Variants in BAG2 observed in about 807,000 individuals in gnomAD.
BAG2 encodes the protein BAG family molecular chaperone regulator 2.
In BAG2, 8 loss-of-function variants were observed where a neutral mutation model predicts 16.4. That is an observed-to-expected ratio of 0.49 (90% confidence interval 0.29 to 0.88). BAG2 has a LOEUF of 0.88. Among genes scored for constraint, BAG2 ranks in the 40% least tolerant of loss-of-function variants. BAG2 has a pLI of 0.09. For missense variants in BAG2, 218 were observed against 248.9 expected, an observed-to-expected ratio of 0.88 and a Z score of 0.84; for synonymous variants, 82 against 89.2, an observed-to-expected ratio of 0.92 and a Z score of 0.46.
chr6:57,178,361 T>C (rs1470212883), intron 1 of BAG2, among the ~76,000 whole-genome samples: 1 of 152,196 alleles, frequency 6.6e-6, no homozygotes, highest in East Asian at 1.9e-4. Context: ...TTAAACTAAG[T>C]AGAGATCTAG....
At chr6:57,176,403 T>C (rs920226114) in intron 1 of BAG2, among the ~76,000 whole-genome samples, 3 of 152,186 alleles carry the variant, frequency 2.0e-5, no homozygotes, top group African/African-American at 7.2e-5. Context: ...ATAGATGAGC[T>C]TCCTCTAAGA....
chr6:57,186,683 A>G lies in BAG2; in HGVS notation c.*2493A>G, dbSNP rs1764621585. The stretch of plus-strand genomic sequence containing the variant: ...GAGTATAATTTATTTTCAAATGATG[A>G]TGAATCTCCTGAGTCACATTTTTAC... On this transcript the variant is annotated 3_prime_UTR_variant, in exon 3 of 3. Transcript: ENST00000370693. The G allele has an allele frequency of 6.6e-6, 1 of 152,174 alleles. No homozygotes were observed. The highest frequency in any genetic ancestry group is 1.5e-5 in the Non-Finnish European group (1 of 68,030). The allele number at this position is 152,174 out of a possible 1,614,324, so 9.4% of individuals were successfully genotyped here.
chr6:57,185,330 T>C lies in BAG2; in HGVS notation c.*1140T>C, dbSNP rs1469523326. ...GTGTGAAGCAACTAGAGAACACTTA[T>C]TTGTTCAAAGTAACTAGTCCTATTG... is the stretch of plus-strand genomic sequence containing the variant. On this transcript the variant is annotated 3_prime_UTR_variant, in exon 3 of 3. Transcript: ENST00000370693. 1 of 152,226 alleles carries C rather than the reference T, an allele frequency of 6.6e-6. No homozygotes were observed. The highest frequency in any genetic ancestry group is 1.5e-5 in the Non-Finnish European group (1 of 68,030). 9.4% of individuals were successfully genotyped at this position (152,226 alleles called of 1,614,324 possible). A position where few individuals can be genotyped will look rare whatever the true frequency, so the allele number is the denominator to read the frequency against.
intron 1 of BAG2, chr6:57,173,258 G>A: frequency 1.0e-6 from 1 of 985,996 alleles, no homozygotes; most frequent in Non-Finnish European, 1.2e-6. Context: ...GTTTACAGTG[G>A]CCCTCCACGT....
chr6:57,174,201 A>G (rs1377425522), intron 1 of BAG2: 1 of 1,084,952 alleles, frequency 9.2e-7, no homozygotes, highest in Non-Finnish European at 1.1e-6. Context: ...GTTTCTTTTT[A>G]GGGAGCCACA....
At chr6:57,182,294 C>T (rs181118137) in intron 2 of BAG2, among the ~76,000 whole-genome samples, 153 bp downstream of exon 2, 1 of 152,132 alleles carries the variant, frequency 6.6e-6, no homozygotes, top group Non-Finnish European at 1.5e-5. Context: ...GCTGTCAGTT[C>T]ATTACAGCAG....
chr6:57,180,536 C>T (rs191766601), intron 1 of BAG2, among the ~76,000 whole-genome samples: 1 of 151,704 alleles, frequency 6.6e-6, no homozygotes, highest in Admixed American at 6.6e-5. Context: ...AATATACATT[C>T]GCTAGGGGAA....
rs1446978170 is a variant in BAG2 at position 57,189,135 on chromosome 6, G to A, written c.*4945G>A. 6.6e-6 allele frequency: 1 copy of A among 152,206 alleles called. No individual in the cohort carries two copies. The highest frequency in any genetic ancestry group is 6.5e-5 in the Admixed American group (1 of 15,280). 9.4% of individuals were successfully genotyped at this position (152,206 alleles called of 1,614,324 possible). ...TTCACGCAATTATCTTAGCTGGAAA[G>A]CTACTGTCCCAAGTGACAAAATTTA... On this transcript the variant is annotated 3_prime_UTR_variant, in exon 3 of 3. Transcript: ENST00000370693.
Position 57,184,163 on chromosome 6 carries a change from A to G in BAG2, c.609A>G (p.Gln203=), listed in dbSNP as rs145031856. 6.4e-7 allele frequency: 1 copy of G among 1,555,820 alleles called. No homozygotes were observed. Among genetic ancestry groups the G allele is most frequent in the African/African-American group, 1.4e-5 (1 of 72,268 alleles). Residue 203 remains glutamine (Q), a synonymous_variant, in exon 3 of 3, where the codon CAA becomes CAG. Transcript: ENST00000370693. ...HSKGAGSKTL[Q]QNAESRFN ...AAGGAGCTGGTTCCAAAACTCTGCA[A>G]CAAAATGCTGAAAGCAGATTCAATT...
chr6:57,183,811 G>A lies in BAG2; in HGVS notation c.257G>A (p.Arg86His), dbSNP rs765872537. 8.1e-6 allele frequency: 13 copies of A among 1,601,424 alleles called. No individual in the cohort carries two copies. The highest frequency in any genetic ancestry group is 3.5e-5 in the Admixed American group (2 of 57,386). The change falls in exon 3 of 3, where the codon CGT becomes CAT. Residue 86 changes from arginine to histidine, a missense_variant. Transcript: ENST00000370693. The stretch of plus-strand genomic sequence containing the variant: ...GAAGAATTAAATCTGACTGCAAACC[G>A]TTTGATGGGAAGAACTCTCACCGTT... The part of the protein sequence containing the change: ...EREELNLTAN[R>H]LMGRTLTVEV...
chr6:57,179,616 G>T (rs1457169798), intron 1 of BAG2, among the ~76,000 whole-genome samples: 3 of 152,236 alleles, frequency 2.0e-5, no homozygotes, highest in Middle Eastern at 3.4e-3. Flanking sequence ...CCAAATACTG[G>T]GAATAGGTCT....
chr6:57,173,635 C>T (rs919767023), intron 1 of BAG2: 1 of 588,790 alleles, frequency 1.7e-6, no homozygotes, highest in South Asian at 7.5e-5. Context: ...AAGACTTTAA[C>T]GGTGTATTGA....
chr6:57,181,882 GA>G (rs1764459810), intron 1 of BAG2, 149 bp from the exon 2 acceptor site: 1 of 639,516 alleles, frequency 1.6e-6, no homozygotes, highest in Non-Finnish European at 2.6e-6. Flanking sequence ...CAAGTGTATA[GA>G]AAAATGAAAG....
At chr6:57,180,609 T>TAAG (rs1254329683) in intron 1 of BAG2, among the ~76,000 whole-genome samples, 85 of 152,122 alleles carry the variant, frequency 5.6e-4, no homozygotes, top group African/African-American at 2.0e-3. Flanking sequence ...AAACAAAACA[T>TAAG]TCTTACCTAA....
intron 1 of BAG2, 47 bp downstream of exon 1, chr6:57,172,857 C>T (rs1005087856): frequency 4.3e-6 from 6 of 1,401,196 alleles, no homozygotes; most frequent in Admixed American, 6.2e-5. Flanking sequence ...GCCGCGCGGG[C>T]GGTTCGCGGG....
At position 57,188,581 on chromosome 6, in the gene BAG2, A is replaced by C. The variant is rs865894299; in HGVS notation, c.*4391A>C. ...ATTTTGTGCAAAAATTAAAGAGGAG[A>C]GTAGAGAGTAGAAAATTGAAGAGAG... is the stretch of plus-strand genomic sequence containing the variant. On this transcript the variant is annotated 3_prime_UTR_variant, in exon 3 of 3. Coordinates refer to ENST00000370693, the MANE Select transcript of BAG2 (RefSeq NM_004282.4). 6.6e-6 allele frequency: 1 copy of C among 152,292 alleles called. No individual in the cohort carries two copies. The highest frequency in any genetic ancestry group is 3.4e-3 in the Middle Eastern group (1 of 294). The allele number at this position is 152,292 out of a possible 1,614,324, so 9.4% of individuals were successfully genotyped here. A position where few individuals can be genotyped will look rare whatever the true frequency, so the allele number is the denominator to read the frequency against.
chr6:57,173,050 T>G (rs1365571067), intron 1 of BAG2: 1 of 775,484 alleles, frequency 1.3e-6, no homozygotes, highest in East Asian at 4.2e-5. Context: ...TGTGAGGGCG[T>G]TATCGGTGGC....
At chr6:57,173,136 A>G in intron 1 of BAG2, 1 of 1,027,712 alleles carries the variant, frequency 9.7e-7, no homozygotes, top group Non-Finnish European at 1.2e-6. Context: ...GTGAGATTCC[A>G]TGCGATTAAG....
intron 1 of BAG2, among the ~76,000 whole-genome samples, chr6:57,176,188 C>T (rs1223429359): frequency 6.6e-6 from 1 of 152,138 alleles, no homozygotes; most frequent in Non-Finnish European, 1.5e-5. Context: ...TGCCAGGCCC[C>T]ATGTCGTTGT....
Sources: gnomAD v4.1 joint callset for allele counts (sites outside exome capture counted in the v4.1 genomes callset) on GRCh38, gnomAD v4.1.1 for gene constraint, MANE v1.5 for transcripts, NCBI Gene and HGNC (gene_info 2026-07-23, HGNC 2026-07-21) for gene names.